RAB37: variants seen among roughly 807,000 people sequenced by gnomAD.
The protein encoded by RAB37 is RAB37, member RAS oncogene family.
A neutral mutation model predicts 33.1 loss-of-function variants in RAB37; 29 were observed. The ratio of observed to expected loss-of-function variants is 0.88; its 90% CI spans 0.65 to 1.20. The LOEUF (loss-of-function observed/expected upper bound fraction) is 1.20, where lower values mean the gene tolerates loss of function less well. Among genes scored for constraint, RAB37 ranks in the 50% most tolerant of loss-of-function variants. The probability of loss-of-function intolerance (pLI) is 0.00; values close to 1 mark genes in which losing one functional copy is unlikely to be tolerated. For synonymous variants in RAB37, 128 were observed against 119.5 expected (o/e 1.07, Z -0.47); for missense variants, 299 against 301.1 (o/e 0.99, Z 0.05).
At chr17:74,704,727 C>T (rs527715372) in intron 1 of RAB37, 2 of 1,614,194 alleles carry the variant, frequency 1.2e-6, no homozygotes, top group African/African-American at 2.7e-5. Context: ...GTCTCCCAGC[C>T]TGATCTGTAA....
Position 74,676,353 on chromosome 17 carries a change from A to G in RAB37, c.72+4695A>G, listed in dbSNP as rs759850798. ...GAAAGACTGGGGGTGGGGGGCAGAAAAACGTGAGCTGCTCATCCATTCATC... is the reference window on the plus strand; with the variant it reads ...GAAAGACTGGGGGTGGGGGGCAGAAGAACGTGAGCTGCTCATCCATTCATC... On this transcript the variant is annotated intron_variant, in intron 1 of 7. Transcript: ENST00000340415. The surrounding 1 kb of genome is among the most constrained non-coding windows in gnomAD (Gnocchi z 4.1). Among the ~76,000 whole-genome samples the G allele has an allele frequency of 4.7e-4, 72 of 152,224 alleles. No homozygotes were observed. Among genetic ancestry groups the G allele is most frequent in the Admixed American group, 3.7e-3 (56 of 15,286 alleles).
At chr17:74,682,512 C>A (rs2031974896) in intron 1 of RAB37, among the ~76,000 whole-genome samples, 1 of 152,206 alleles carries the variant, frequency 6.6e-6, no homozygotes, top group Non-Finnish European at 1.5e-5. Flanking sequence ...TGAACCAATA[C>A]TATAGCCAGA....
At chr17:74,719,007 G>A (rs889738390) in intron 1 of RAB37, among the ~76,000 whole-genome samples, 1 of 152,154 alleles carries the variant, frequency 6.6e-6, no homozygotes, top group Non-Finnish European at 1.5e-5. Flanking sequence ...TGGGGGAAAA[G>A]GGTCTGTGGA....
intron 1 of RAB37, among the ~76,000 whole-genome samples, chr17:74,680,838 C>T (rs1242606106): frequency 1.1e-5 from 1 of 88,402 alleles, no homozygotes; most frequent in Non-Finnish European, 3.9e-5. Flanking sequence ...ATACTTCTTC[C>T]TCCATCTCAC....
In RAB37 at chr17:74,729,179, T is replaced by A. The variant is rs2034353461; in HGVS notation, c.73-77T>A. 2 of 976,838 alleles carry A rather than the reference T, an allele frequency of 2.0e-6. No homozygotes were observed. Among genetic ancestry groups the A allele is most frequent in the Non-Finnish European group, 3.3e-6 (2 of 599,258 alleles). The allele number at this position is 976,838 out of a possible 1,614,324, so 60.5% of individuals were successfully genotyped here. A position where few individuals can be genotyped will look rare whatever the true frequency, so the allele number is the denominator to read the frequency against. The stretch of plus-strand genomic sequence containing the variant: ...ACATGCGTGCTTAGAAAGAATCCAC[T>A]CCCACAGCCACAAGGACACCTCTGA... On this transcript the variant is annotated intron_variant, in intron 1 of 7. Coordinates refer to the RAB37 transcript ENST00000340415. This position sits in a 1 kb window ranked among gnomAD's most constrained non-coding sequence, Gnocchi z 4.2.
chr17:74,682,764 T>G (rs2031980330), intron 1 of RAB37, among the ~76,000 whole-genome samples: 1 of 152,172 alleles, frequency 6.6e-6, no homozygotes, highest in African/African-American at 2.4e-5. Flanking sequence ...ATTAGCCGGT[T>G]GTGGTGGTGC....
Position 74,729,119 on chromosome 17 carries a change from G to T in RAB37, c.73-137G>T. On this transcript the variant is annotated intron_variant, in intron 1 of 7. Transcript: ENST00000340415. This position sits in a 1 kb window ranked among gnomAD's most constrained non-coding sequence, Gnocchi z 4.2. ...GTATGTGTGTGTCAGTGTCTTGTGT[G>T]TGTGTGTTTCTGTGTGTGTGTGTGC... The T allele has an allele frequency of 1.5e-6, 1 of 683,506 alleles. No individual in the cohort carries two copies. Among genetic ancestry groups the T allele is most frequent in the South Asian group, 1.6e-5 (1 of 62,916 alleles). 42.3% of individuals were successfully genotyped at this position (683,506 alleles called of 1,614,324 possible).
At chr17:74,672,247 T>C (rs1429089658) in intron 1 of RAB37, among the ~76,000 whole-genome samples, 1 of 152,046 alleles carries the variant, frequency 6.6e-6, no homozygotes, top group East Asian at 1.9e-4. Context: ...GTAATGCAGG[T>C]CTCCCCCTAA....
intron 1 of RAB37, among the ~76,000 whole-genome samples, chr17:74,708,044 A>T (rs2033654864): frequency 6.6e-6 from 1 of 151,790 alleles, no homozygotes; most frequent in Non-Finnish European, 1.5e-5. Flanking sequence ...GCCACTTGGG[A>T]GACTGAGACA....
At chr17:74,695,858 A>G in intron 1 of RAB37, 1 of 1,613,108 alleles carries the variant, frequency 6.2e-7, no homozygotes, top group Non-Finnish European at 8.5e-7. Flanking sequence ...GGGCTGCAGT[A>G]CCTGGGACAG....
At position 74,730,358 on chromosome 17, in the gene RAB37, A is replaced by G. The variant is rs925066942; in HGVS notation, c.183+992A>G. ...CACACTGATGGGAAGAGAGAGAGGA[A>G]AACTCAGAAAAATGGGCTTGCCCAC... On this transcript the variant is annotated intron_variant, in intron 2 of 7. Transcript: ENST00000340415. The surrounding 1 kb of genome is among the most constrained non-coding windows in gnomAD (Gnocchi z 4.4). 2.0e-5 allele frequency among the ~76,000 whole-genome samples: 3 copies of G among 152,214 alleles called. No individual in the cohort carries two copies. Among genetic ancestry groups the G allele is most frequent in the Non-Finnish European group, 4.4e-5 (3 of 68,040 alleles).
At chr17:74,728,645 GTA>G (rs1325837256) in intron 1 of RAB37, among the ~76,000 whole-genome samples, 2 of 150,416 alleles carry the variant, frequency 1.3e-5, no homozygotes, top group Non-Finnish European at 3.0e-5. Context: ...GTTTCTGTAT[GTA>G]TATGTGTGCT....
intron 1 of RAB37, among the ~76,000 whole-genome samples, chr17:74,715,946 C>T (rs1235657818): frequency 1.3e-5 from 2 of 152,136 alleles, no homozygotes; most frequent in Non-Finnish European, 2.9e-5. Context: ...AAGAGAATTG[C>T]TTGAACCCGG....
In RAB37 at chr17:74,698,595, T is replaced by C. The variant is rs757228338; in HGVS notation, c.72+26937T>C. 50 of 1,507,362 alleles carry C rather than the reference T, an allele frequency of 3.3e-5. No individual in the cohort carries two copies. In the African/African-American group the frequency reaches 4.1e-4, roughly 12 times the overall value. The allele number at this position is 1,507,362 out of a possible 1,614,324, so 93.4% of individuals were successfully genotyped here. ...ACACACCTGATGAGCTGCAGGTCTG[T>C]AGTTTGCAGCCTGGGAACCCTCACT... On this transcript the variant is annotated intron_variant, in intron 1 of 7. Transcript: ENST00000340415.
intron 1 of RAB37, among the ~76,000 whole-genome samples, chr17:74,689,259 A>G (rs553212020): frequency 6.6e-6 from 1 of 152,244 alleles, no homozygotes; most frequent in East Asian, 1.9e-4. Flanking sequence ...CCTGACCAAC[A>G]TGGTGAAGCC....
intron 1 of RAB37, among the ~76,000 whole-genome samples, chr17:74,675,359 T>C (rs1425252313): frequency 2.0e-5 from 3 of 151,070 alleles, no homozygotes; most frequent in African/African-American, 7.3e-5. Flanking sequence ...CGCTTTAACC[T>C]GGGAGGCAGA....
chr17:74,721,290 T>C (rs2034236520), intron 1 of RAB37, among the ~76,000 whole-genome samples: 1 of 152,220 alleles, frequency 6.6e-6, no homozygotes, highest in Non-Finnish European at 1.5e-5. Context: ...ATACAGTACA[T>C]ACAGATCTTC....
rs906538405 is a variant in RAB37, at chr17:74,738,982, C to T, written c.93+1617C>T. On this transcript the variant is annotated intron_variant, in intron 1 of 8. Transcript: ENST00000392613. This position sits in a 1 kb window ranked among gnomAD's most constrained non-coding sequence, Gnocchi z 5.0. ...CCTTCTACCCACTATGGAAACCATG[C>T]CACAGAAAGGTTAAGGAATCTTCCT... Among the ~76,000 whole-genome samples the T allele has an allele frequency of 8.5e-5, 13 of 152,180 alleles. No homozygotes were observed. Among genetic ancestry groups the T allele is most frequent in the Admixed American group, 2.6e-4 (4 of 15,280 alleles).
At chr17:74,720,478 C>G (rs576754162) in intron 1 of RAB37, among the ~76,000 whole-genome samples, 3 of 152,098 alleles carry the variant, frequency 2.0e-5, no homozygotes, top group African/African-American at 7.2e-5. Flanking sequence ...ATAATCCCAG[C>G]TACTTGGGAG....
Sources: allele counts gnomAD v4.1 joint callset (sites outside exome capture counted in the v4.1 genomes callset), GRCh38; gene constraint gnomAD v4.1.1; non-coding constraint Gnocchi (gnomAD v3.1); transcripts MANE v1.5; gene names NCBI Gene and HGNC (gene_info 2026-07-23, HGNC 2026-07-21).